The following GPC5 variants were observed in gnomAD, a reference collection of about 807,000 sequenced individuals.
The protein encoded by GPC5 is glypican-5.
A neutral mutation model predicts 53.9 loss-of-function variants in GPC5; 47 were observed. That is an observed-to-expected ratio of 0.87 (90% confidence interval 0.69 to 1.11). The LOEUF (loss-of-function observed/expected upper bound fraction) is 1.11, where lower values mean the gene tolerates loss of function less well. Among genes scored for constraint, GPC5 ranks in the 50% most tolerant of loss-of-function variants. The probability of loss-of-function intolerance (pLI) is 0.00; values close to 1 mark genes in which losing one functional copy is unlikely to be tolerated. For synonymous variants in GPC5, 286 were observed against 263.3 expected, an observed-to-expected ratio of 1.09 and a Z score of -0.84; for missense variants, 748 against 713.1, an observed-to-expected ratio of 1.05 and a Z score of -0.56.
intron 7 of GPC5, among the ~76,000 whole-genome samples, chr13:92,516,073 T>C (rs1282441564): frequency 6.6e-6 from 1 of 152,142 alleles, no homozygotes; most frequent in African/African-American, 2.4e-5. Context: ...AGCTTATAGA[T>C]CCCTGAGACC....
intron 6 of GPC5, among the ~76,000 whole-genome samples, chr13:92,114,337 C>T (rs766512264): frequency 1.3e-5 from 2 of 152,094 alleles, no homozygotes; most frequent in South Asian, 2.1e-4. Context: ...ACATGCAGAA[C>T]GTTACTTCAG....
At chr13:92,861,398 T>G in intron 7 of GPC5, among the ~76,000 whole-genome samples, 1 of 152,162 alleles carries the variant, frequency 6.6e-6, no homozygotes, top group East Asian at 1.9e-4. Flanking sequence ...GCCCAACTGG[T>G]TACACTCTCC....
intron 5 of GPC5, among the ~76,000 whole-genome samples, chr13:91,842,149 C>A (rs2038794739): frequency 6.6e-6 from 1 of 151,704 alleles, no homozygotes. Flanking sequence ...TTTTCTAGTT[C>A]ATAAATATTT....
At chr13:92,823,938 T>C (rs991144234) in intron 7 of GPC5, among the ~76,000 whole-genome samples, 1 of 152,208 alleles carries the variant, frequency 6.6e-6, no homozygotes, top group Non-Finnish European at 1.5e-5. Context: ...CTTATCCTAC[T>C]CCTTTTTCAC....
At chr13:92,339,157 C>T (rs1334819171) in intron 7 of GPC5, among the ~76,000 whole-genome samples, 4 of 150,856 alleles carry the variant, frequency 2.7e-5, no homozygotes, top group African/African-American at 7.3e-5. Flanking sequence ...ATATATCATA[C>T]ATATGTATCA....
At chr13:92,176,627 A>G (rs1438522359) in intron 7 of GPC5, among the ~76,000 whole-genome samples, 1 of 151,728 alleles carries the variant, frequency 6.6e-6, no homozygotes, top group Non-Finnish European at 1.5e-5. Flanking sequence ...GATTTCTAAG[A>G]CCTCCCTTTC....
At chr13:92,330,735 A>G (rs7995559) in intron 7 of GPC5, among the ~76,000 whole-genome samples, 1 of 152,218 alleles carries the variant, frequency 6.6e-6, no homozygotes, top group African/African-American at 2.4e-5. Context: ...CTGAAGCTAG[A>G]GATAACATAT....
intron 7 of GPC5, among the ~76,000 whole-genome samples, chr13:92,177,694 A>T (rs1234232998): frequency 6.6e-6 from 1 of 152,140 alleles, no homozygotes; most frequent in African/African-American, 2.4e-5. Context: ...CTGTCTGATA[A>T]ATATTTTTTG....
At chr13:92,163,828 C>T (rs1291726015) in intron 7 of GPC5, among the ~76,000 whole-genome samples, 1 of 152,106 alleles carries the variant, frequency 6.6e-6, no homozygotes, top group East Asian at 1.9e-4. Context: ...TGAAGAAATA[C>T]CCAAGACTGG....
intron 1 of GPC5, among the ~76,000 whole-genome samples, chr13:91,424,324 G>A (rs930122583): frequency 6.6e-6 from 1 of 151,028 alleles, no homozygotes; most frequent in African/African-American, 2.4e-5. Flanking sequence ...GTGGTGGGGC[G>A]GGGTTGGTGG....
chr13:92,374,828 A>G (rs1417118898), intron 7 of GPC5, among the ~76,000 whole-genome samples: 1 of 148,482 alleles, frequency 6.7e-6, no homozygotes, highest in Non-Finnish European at 1.5e-5. Context: ...CAATGTGCAC[A>G]TGTACCCTAA....
rs150513512 is a variant in GPC5 at position 92,228,884 on chromosome 13, C to T, written c.1561+83895C>T. On this transcript the variant is annotated intron_variant, in intron 7 of 7. Transcript: ENST00000377067. ...ACCAGGGAAGGTAACAAAGGTTTAG[C>T]TTTGTATTTAATGACCATTTTGATG... Among the ~76,000 whole-genome samples the T allele has an allele frequency of 5.0e-3, 753 of 152,020 alleles. 5 individuals carry two copies. The highest frequency in any genetic ancestry group is 0.017 in the African/African-American group (715 of 41,450).
At chr13:92,033,627 T>A (rs1023385733) in intron 6 of GPC5, among the ~76,000 whole-genome samples, 9 of 152,230 alleles carry the variant, frequency 5.9e-5, no homozygotes, top group Non-Finnish European at 1.3e-4. Context: ...TTAGGGTTTT[T>A]TCCCTCTCCC....
intron 7 of GPC5, among the ~76,000 whole-genome samples, chr13:92,640,730 G>C (rs925255172): frequency 1.3e-5 from 2 of 152,080 alleles, no homozygotes; most frequent in Non-Finnish European, 2.9e-5. Context: ...AAAAGAAATA[G>C]GCAATAGCTT....
intron 7 of GPC5, among the ~76,000 whole-genome samples, chr13:92,604,850 CTG>C (rs1304411166): frequency 6.6e-6 from 1 of 152,146 alleles, no homozygotes; most frequent in Non-Finnish European, 1.5e-5. Context: ...ATACAAATGG[CTG>C]TGTTTTCTCA....
intron 7 of GPC5, among the ~76,000 whole-genome samples, chr13:92,396,673 T>TATTCTAATTCTAA (rs1160457865): frequency 3.3e-5 from 5 of 152,232 alleles, no homozygotes; most frequent in Non-Finnish European, 7.3e-5. Context: ...TTATTCTAAT[T>TATTCTAATTCTAA]TTGATAGTTA....
intron 7 of GPC5, among the ~76,000 whole-genome samples, chr13:92,422,213 A>T (rs539951988): frequency 6.6e-6 from 1 of 152,156 alleles, no homozygotes; most frequent in African/African-American, 2.4e-5. Flanking sequence ...ACTGAAGAGA[A>T]CTTTAGCTTG....
intron 6 of GPC5, among the ~76,000 whole-genome samples, chr13:91,939,566 A>T (rs2039905510): frequency 1.3e-5 from 2 of 152,150 alleles, no homozygotes; most frequent in Non-Finnish European, 2.9e-5. Flanking sequence ...TAGTTTTCCC[A>T]AGCATAGAGT....
At chr13:92,049,761 A>T (rs139274121) in intron 6 of GPC5, among the ~76,000 whole-genome samples, 40 of 152,256 alleles carry the variant, frequency 2.6e-4, no homozygotes, top group African/African-American at 9.4e-4. Context: ...ATGTTAACTA[A>T]CTTAATTGTA....
Sources: gnomAD v4.1 joint callset for allele counts (sites outside exome capture counted in the v4.1 genomes callset) on GRCh38, gnomAD v4.1.1 for gene constraint, MANE v1.5 for transcripts, NCBI Gene and HGNC (gene_info 2026-07-23, HGNC 2026-07-21) for gene names.